The following ZNF665 variants were observed in gnomAD, a reference collection of about 807,000 sequenced individuals.
ZNF665 encodes the protein zinc finger protein 665.
Under a neutral mutation model 7.9 loss-of-function variants are expected in ZNF665, and 6 were observed. The ratio of observed to expected loss-of-function variants is 0.76; its 90% CI spans 0.42 to 1.50. ZNF665 has a LOEUF of 1.50. Among genes scored for constraint, ZNF665 ranks in the 40% most tolerant of loss-of-function variants. ZNF665 has a pLI of 0.01. For missense variants in ZNF665, 819 were observed against 806.7 expected (o/e 1.02, Z -0.18); for synonymous variants, 242 against 274.5 (o/e 0.88, Z 1.17).
intron 1 of ZNF665, among the ~76,000 whole-genome samples, chr19:53,192,913 C>A (rs2090828683): frequency 1.3e-5 from 2 of 152,108 alleles, no homozygotes; most frequent in African/African-American, 4.8e-5. Context: ...ATGCAGGATC[C>A]CAGGACCAGG....
intron 1 of ZNF665, among the ~76,000 whole-genome samples, chr19:53,191,426 T>C (rs958624074): frequency 6.6e-6 from 1 of 152,176 alleles, no homozygotes. Flanking sequence ...AGAACAGAGA[T>C]TGCAAATAGA....
intron 2 of ZNF665, among the ~76,000 whole-genome samples, chr19:53,176,576 A>G (rs1468142814): frequency 6.6e-6 from 1 of 152,208 alleles, no homozygotes; most frequent in East Asian, 1.9e-4. Flanking sequence ...AGAATTTACA[A>G]CTTAAGCCAG....
chr19:53,165,887 A>C lies in ZNF665; in HGVS notation c.603T>G (p.Thr201=), dbSNP rs1407375160. The C allele has an allele frequency of 6.2e-7, 1 of 1,614,096 alleles. No homozygotes were observed. Among genetic ancestry groups the C allele is most frequent in the East Asian group, 2.2e-5 (1 of 44,892 alleles). The change falls in exon 4 of 4, where the codon ACT becomes ACG. Residue 201 remains threonine (T), a synonymous_variant. Coordinates refer to ENST00000396424, the MANE Select transcript of ZNF665 (RefSeq NM_024733.5). The part of the protein sequence containing the change: ...SRLTSHKRIH[T]GEKPYQCNKC... ...TATTACACTGGTAAGGCTTCTCTCC[A>C]GTATGAATTCTCTTATGACTTGTTA...
At position 53,164,815 on chromosome 19, in the gene ZNF665, T is replaced by C. The variant is rs76512666; in HGVS notation, c.1675A>G (p.Ile559Val). ...TCACCAGTGTGAATTCTCTGATGAA[T>C]TGCAAGGTACGAATTGTGTCTGAAG... ...KVFRHNSYLA[I>V]HQRIHTGEKP... The change falls in exon 4 of 4, where the codon ATT (isoleucine) becomes GTT (valine). Residue 559 changes from isoleucine to valine, a missense_variant. Physicochemically the swap from Ile to Val is conservative, Grantham distance 29. Transcript: ENST00000396424. 9,685 of 1,614,222 alleles carry C rather than the reference T, an allele frequency of 6.0e-3. 49 individuals are homozygous for C. Among genetic ancestry groups the C allele is most frequent in the Middle Eastern group, 9.9e-3 (60 of 6,062 alleles).
chr19:53,183,929 T>G (rs547827618), intron 1 of ZNF665, among the ~76,000 whole-genome samples: 5 of 152,238 alleles, frequency 3.3e-5, no homozygotes, highest in African/African-American at 1.2e-4. Flanking sequence ...GGCTGAGGTC[T>G]TCAAACAGTT....
At chr19:53,177,570 C>CA (rs1357960825) in intron 2 of ZNF665, among the ~76,000 whole-genome samples, 1 of 151,284 alleles carries the variant, frequency 6.6e-6, no homozygotes, top group Non-Finnish European at 1.5e-5. Context: ...CAAAACAAAA[C>CA]AAAAAAACCC....
rs7251647 is a variant in ZNF665, at chr19:53,177,668, G to A, written c.16-2097C>T. Among the ~76,000 whole-genome samples, 838 of 152,322 alleles carry A rather than the reference G, an allele frequency of 5.5e-3. 10 individuals carry two copies. Among genetic ancestry groups the A allele is most frequent in the African/African-American group, 0.019 (785 of 41,570 alleles). On this transcript the variant is annotated intron_variant, in intron 2 of 3. Coordinates refer to ENST00000396424, the MANE Select transcript of ZNF665 (RefSeq NM_024733.5). ...AGCATCTAGATGACCTAGAGAATGA[G>A]TGGTGTCTTCAACGATGATAATATC...
At chr19:53,178,237 C>CT (rs766537461) in intron 2 of ZNF665, among the ~76,000 whole-genome samples, 3 of 152,194 alleles carry the variant, frequency 2.0e-5, no homozygotes, top group Non-Finnish European at 2.9e-5. Flanking sequence ...GTACCAATGT[C>CT]TAATAGATTC....
In ZNF665 at chr19:53,164,415, G is replaced by C. The variant is rs2090587551; in HGVS notation, c.*38C>G. ...GGCCTCCCAAAGTGCTGGGATTACA[G>C]GCGTGAGCCACCACGCCCGGCGTCC... On this transcript the variant is annotated 3_prime_UTR_variant, in exon 4 of 4. Transcript: ENST00000396424. The C allele has an allele frequency of 6.7e-7, 1 of 1,486,614 alleles. No individual in the cohort carries two copies. The highest frequency in any genetic ancestry group is 2.3e-5 in the East Asian group (1 of 42,816). The allele number at this position is 1,486,614 out of a possible 1,614,324, so 92.1% of individuals were successfully genotyped here.
chr19:53,173,511 A>T (rs2090674586), intron 3 of ZNF665, among the ~76,000 whole-genome samples: 1 of 150,806 alleles, frequency 6.6e-6, no homozygotes, highest in African/African-American at 2.4e-5. Flanking sequence ...AGTAGCTGGG[A>T]CTACAGGTGT....
chr19:53,169,834 T>C (rs1292097211), intron 3 of ZNF665, among the ~76,000 whole-genome samples: 4 of 148,130 alleles, frequency 2.7e-5, no homozygotes, highest in Admixed American at 6.9e-5. Context: ...ATTTCCAATT[T>C]CATCCATGTC....
intron 1 of ZNF665, 148 bp from the exon 2 acceptor site, chr19:53,183,091 C>G: frequency 1.2e-6 from 1 of 840,456 alleles, no homozygotes; most frequent in Non-Finnish European, 1.9e-6. Flanking sequence ...CCTCTGCTGC[C>G]CACTGCACCA....
At chr19:53,171,779 G>C (rs953046914) in intron 3 of ZNF665, among the ~76,000 whole-genome samples, 1 of 151,846 alleles carries the variant, frequency 6.6e-6, no homozygotes, top group Admixed American at 6.6e-5. Flanking sequence ...TTTTGAAAGA[G>C]AGTCTCATTC....
In ZNF665 at chr19:53,166,157, T is replaced by A; in HGVS notation, c.333A>T (p.Thr111=). The A allele has an allele frequency of 6.2e-7, 1 of 1,613,958 alleles. No individual in the cohort carries two copies. The highest frequency in any genetic ancestry group is 1.1e-5 in the South Asian group (1 of 91,056). Residue 111 remains threonine (T), a synonymous_variant, in exon 4 of 4, where the codon ACA becomes ACT. Transcript: ENST00000396424. ...GATTTTCTTTTTGCAACATAAGTACTGTTTTATAATTTCCTTCATCATCTT... is the reference window on the plus strand; with the variant it reads ...GATTTTCTTTTTGCAACATAAGTACAGTTTTATAATTTCCTTCATCATCTT... ...QWKDDEGNYK[T]VLMLQKENLP...
chr19:53,192,376 A>G (rs898376826), intron 1 of ZNF665, among the ~76,000 whole-genome samples: 36 of 151,502 alleles, frequency 2.4e-4, no homozygotes, highest in African/African-American at 8.0e-4. Context: ...TGCTCTGTCT[A>G]TCCTGGCTCC....
rs370252703 is a variant in ZNF665, at chr19:53,178,801, T to C, written c.16-3230A>G. On this transcript the variant is annotated intron_variant, in intron 2 of 3. Coordinates refer to ENST00000396424, the MANE Select transcript of ZNF665 (RefSeq NM_024733.5). Reference sequence around the variant, plus strand: ...AGTCCTAGAAAGATACAGTAAAAAGTAGTGTCTGTCTCTTTGCATAAAGTA... The same window carrying C: ...AGTCCTAGAAAGATACAGTAAAAAGCAGTGTCTGTCTCTTTGCATAAAGTA... Among the ~76,000 whole-genome samples the C allele has an allele frequency of 3.3e-5, 5 of 152,224 alleles. 1 individual carries two copies. In the East Asian group the frequency reaches 5.8e-4, roughly 18 times the overall value.
chr19:53,176,624 T>C (rs2090700244), intron 2 of ZNF665, among the ~76,000 whole-genome samples: 1 of 152,212 alleles, frequency 6.6e-6, no homozygotes, highest in African/African-American at 2.4e-5. Flanking sequence ...TGTTTGTGAA[T>C]GGCAATGAGG....
chr19:53,164,361 C>G lies in ZNF665; in HGVS notation c.*92G>C, dbSNP rs2090586712. 1 of 1,042,012 alleles carries G rather than the reference C, an allele frequency of 9.6e-7. No homozygotes were observed. The highest frequency in any genetic ancestry group is 1.4e-6 in the Non-Finnish European group (1 of 740,186). 64.5% of individuals were successfully genotyped at this position (1,042,012 alleles called of 1,614,324 possible). On this transcript the variant is annotated 3_prime_UTR_variant, in exon 4 of 4. Coordinates refer to ENST00000396424, the MANE Select transcript of ZNF665 (RefSeq NM_024733.5). ...CCGTGTTGGCCAGCCTGGTCTCGAA[C>G]TCGAGACCTCAGGTGATCCCCCCGC...
At chr19:53,177,810 G>T (rs753675279) in intron 2 of ZNF665, among the ~76,000 whole-genome samples, 2 of 152,162 alleles carry the variant, frequency 1.3e-5, no homozygotes, top group African/African-American at 4.8e-5. Context: ...AATCCTTTAC[G>T]TGTACTAACA....
Sources: allele counts gnomAD v4.1 joint callset (sites outside exome capture counted in the v4.1 genomes callset), GRCh38; gene constraint gnomAD v4.1.1; transcripts MANE v1.5; gene names NCBI Gene and HGNC (gene_info 2026-07-23, HGNC 2026-07-21).